Variants in SUSD6 observed in about 807,000 individuals in gnomAD.
SUSD6 encodes the protein sushi domain-containing protein 6.
A neutral mutation model predicts 28.4 loss-of-function variants in SUSD6; 16 were observed. That is an observed-to-expected ratio of 0.56 (90% CI 0.38 to 0.86). The LOEUF (loss-of-function observed/expected upper bound fraction) is 0.86, where lower values mean the gene tolerates loss of function less well. Ranked by LOEUF, SUSD6 falls within the 40% of genes least tolerant of loss-of-function variation. SUSD6 has a pLI of 0.00. For synonymous variants in SUSD6, 147 were observed against 159.6 expected (o/e 0.92, Z 0.59); for missense variants, 341 against 384.2 (o/e 0.89, Z 0.94).
At chr14:69,670,316 G>A in intron 2 of SUSD6, 1 of 408,240 alleles carries the variant, frequency 2.4e-6, no homozygotes, top group Middle Eastern at 3.5e-4. Flanking sequence ...TATTCCACAG[G>A]TACTCGTTGA....
intron 2 of SUSD6, among the ~76,000 whole-genome samples, chr14:69,703,053 C>T (rs571131377): frequency 4.6e-5 from 7 of 152,302 alleles, no homozygotes; most frequent in Non-Finnish European, 1.0e-4. Context: ...ATGTGTGTTA[C>T]AGGCTTTATT....
At position 69,648,121 on chromosome 14, in the gene SUSD6, A is replaced by AT. The variant is rs571798265; in HGVS notation, c.-80-10387dup. 1.1e-3 allele frequency among the ~76,000 whole-genome samples: 171 copies of AT among 152,336 alleles called. 1 individual carries two copies. Among genetic ancestry groups the AT allele is most frequent in the Non-Finnish European group, 2.0e-3 (138 of 68,034 alleles). On this transcript the variant is annotated intron_variant, in intron 1 of 5. Coordinates refer to ENST00000342745, the MANE Select transcript of SUSD6 (RefSeq NM_014734.4). ...GGTGATGAATATAATAGTAACTACT[A>AT]TTTTTGATGACTTACTAAGTCACAG...
At chr14:69,636,132 A>G (rs1460962032) in intron 1 of SUSD6, among the ~76,000 whole-genome samples, 1 of 152,206 alleles carries the variant, frequency 6.6e-6, no homozygotes, top group African/African-American at 2.4e-5. Flanking sequence ...TGTGCCTTCT[A>G]TTTAGATTCT....
At chr14:69,616,744 G>C (rs149487742) in intron 1 of SUSD6, among the ~76,000 whole-genome samples, 245 of 151,964 alleles carry the variant, frequency 1.6e-3, no homozygotes, top group Middle Eastern at 6.8e-3. Flanking sequence ...TGTGTATTCT[G>C]TTTTTTCCAT....
At chr14:69,618,046 G>A (rs1374954395) in intron 1 of SUSD6, among the ~76,000 whole-genome samples, 1 of 152,182 alleles carries the variant, frequency 6.6e-6, no homozygotes, top group Admixed American at 6.5e-5. Flanking sequence ...ATGTGTCCCT[G>A]TGTGGTTTTA....
intron 1 of SUSD6, among the ~76,000 whole-genome samples, chr14:69,650,647 C>G (rs945308): frequency 0.087 from 13,195 of 152,242 alleles, 775 homozygotes; most frequent in East Asian, 0.12. Flanking sequence ...CTCCTCCCCC[C>G]TCTTTTTCTG....
In SUSD6 at chr14:69,638,107, A is replaced by T. The variant is rs551689831; in HGVS notation, c.-80-20406A>T. Reference sequence around the variant, plus strand: ...ATAAGACAGCAGCAGCAAAAAACAGAAACAAAAACAAAAAATGTTAGAAAT... The same window carrying T: ...ATAAGACAGCAGCAGCAAAAAACAGTAACAAAAACAAAAAATGTTAGAAAT... On this transcript the variant is annotated intron_variant, in intron 1 of 5. Transcript: ENST00000342745. Among the ~76,000 whole-genome samples the T allele has an allele frequency of 5.3e-5, 8 of 152,308 alleles. No homozygotes were observed. In the East Asian group the frequency reaches 1.5e-3, roughly 29 times the overall value.
rs1406668397 is a variant in SUSD6, at chr14:69,709,028, A to G, written c.810A>G (p.Ala270=). The G allele has an allele frequency of 1.2e-6, 2 of 1,614,050 alleles. No homozygotes were observed. The highest frequency in any genetic ancestry group is 1.7e-5 in the Admixed American group (1 of 60,024). The change falls in exon 5 of 6, where the codon GCA becomes GCG. Residue 270 remains alanine (A), a synonymous_variant. Coordinates refer to ENST00000342745, the MANE Select transcript of SUSD6 (RefSeq NM_014734.4). ...CCGGCTCAGGGAACCGCCAACTGGC[A>G]CACAAAGAAACTGCAGATTCAGAGA... ...WVAGSGNRQL[A]HKETADSENS... is the part of the protein sequence containing the mutation.
chr14:69,690,835 A>G (rs1886142669), intron 2 of SUSD6, among the ~76,000 whole-genome samples: 1 of 152,248 alleles, frequency 6.6e-6, no homozygotes, highest in Admixed American at 6.5e-5. Context: ...CAGTGAGTAC[A>G]GAGTTCCTTA....
chr14:69,625,683 G>A (rs1035840862), intron 1 of SUSD6, among the ~76,000 whole-genome samples: 1 of 152,178 alleles, frequency 6.6e-6, no homozygotes. Flanking sequence ...CAGGGCAGAT[G>A]GACCACATCC....
intron 2 of SUSD6, among the ~76,000 whole-genome samples, chr14:69,691,735 C>T (rs1000589102): frequency 2.6e-5 from 4 of 152,134 alleles, no homozygotes; most frequent in Non-Finnish European, 4.4e-5. Flanking sequence ...TTCACATATC[C>T]GTCTTAGAAG....
At position 69,654,032 on chromosome 14, in the gene SUSD6, A is replaced by G. The variant is rs114988979; in HGVS notation, c.-80-4481A>G. ...TTTATCTTTTCTTTGCAAAGCCCTC[A>G]TTTCCATCACCCCGTCTGTTCTGCA... is the stretch of plus-strand genomic sequence containing the variant. On this transcript the variant is annotated intron_variant, in intron 1 of 5. Transcript: ENST00000342745. 6.3e-3 allele frequency among the ~76,000 whole-genome samples: 962 copies of G among 151,922 alleles called. 15 individuals are homozygous for G. Among genetic ancestry groups the G allele is most frequent in the African/African-American group, 0.022 (907 of 41,408 alleles).
intron 1 of SUSD6, among the ~76,000 whole-genome samples, chr14:69,634,902 A>T (rs926295591): frequency 6.6e-6 from 1 of 152,204 alleles, no homozygotes; most frequent in Non-Finnish European, 1.5e-5. Context: ...AAAAGTAATA[A>T]ATATAGAAGC....
chr14:69,710,863 G>A (rs1886451830), intron 5 of SUSD6, 91 bp from the exon 6 acceptor site: 2 of 1,204,518 alleles, frequency 1.7e-6, no homozygotes, highest in Non-Finnish European at 1.2e-6. Flanking sequence ...TAGGGGCTAT[G>A]TAGGATAGCC....
chr14:69,682,766 T>TAAAC, intron 2 of SUSD6, among the ~76,000 whole-genome samples: 1 of 152,120 alleles, frequency 6.6e-6, no homozygotes, highest in Admixed American at 6.6e-5. Context: ...ATGAAGTGTT[T>TAAAC]GGTTGAGACT....
intron 1 of SUSD6, among the ~76,000 whole-genome samples, chr14:69,624,613 C>T (rs373343538): frequency 6.6e-5 from 10 of 152,030 alleles, no homozygotes; most frequent in East Asian, 5.8e-4. Flanking sequence ...GCACCATATC[C>T]GGCTAATTTT....
chr14:69,692,171 A>G (rs2139637874), intron 2 of SUSD6, among the ~76,000 whole-genome samples: 1 of 152,326 alleles, frequency 6.6e-6, no homozygotes, highest in South Asian at 2.1e-4. Flanking sequence ...TAGTGAAGGA[A>G]ACTGTCCTGC....
At chr14:69,657,542 A>G (rs1484678032) in intron 1 of SUSD6, among the ~76,000 whole-genome samples, 1 of 152,170 alleles carries the variant, frequency 6.6e-6, no homozygotes, top group Admixed American at 6.6e-5. Context: ...CAGACTCCCT[A>G]ATCTATGCAT....
intron 1 of SUSD6, among the ~76,000 whole-genome samples, chr14:69,627,757 C>T (rs556965955): frequency 6.6e-6 from 1 of 152,214 alleles, no homozygotes; most frequent in East Asian, 1.9e-4. Flanking sequence ...AGCCACCGTG[C>T]CCGGCCCAGA....
Sources: gnomAD v4.1 joint callset for allele counts (sites outside exome capture counted in the v4.1 genomes callset) on GRCh38, gnomAD v4.1.1 for gene constraint, MANE v1.5 for transcripts, NCBI Gene and HGNC (gene_info 2026-07-23, HGNC 2026-07-21) for gene names.